Variants in DPP6 observed in about 807,000 individuals in gnomAD.
DPP6 encodes the protein dipeptidyl peptidase like 6.
In DPP6, 69 loss-of-function variants were observed where a neutral mutation model predicts 122.6. The observed-to-expected ratio is 0.56, with a 90% CI of 0.46 to 0.69. DPP6 has a LOEUF of 0.69. Ranked by LOEUF, DPP6 falls within the 30% of genes least tolerant of loss-of-function variation. The pLI is 0.00. For synonymous variants in DPP6, 418 were observed against 433.1 expected, an observed-to-expected ratio of 0.97 and a Z score of 0.43; for missense variants, 928 against 1,116.9, an observed-to-expected ratio of 0.83 and a Z score of 2.41.
upstream of DPP6, among the ~76,000 whole-genome samples, chr7:154,049,137 C>T (rs1226717598): frequency 6.9e-6 from 1 of 144,778 alleles, no homozygotes; most frequent in African/African-American, 2.9e-5. Context: ...TCACACTTAC[C>T]CAATAAGTAG....
intron 1 of DPP6, among the ~76,000 whole-genome samples, chr7:154,136,458 A>G (rs147845392): frequency 2.1e-3 from 321 of 152,336 alleles, no homozygotes; most frequent in African/African-American, 7.4e-3. Flanking sequence ...GGGGAACCAC[A>G]GAATCTTTAT....
At chr7:154,252,235 T>TGTGTGCGC (rs60245069) in intron 1 of DPP6, among the ~76,000 whole-genome samples, 21,062 of 149,306 alleles carry the variant, frequency 0.14, 1,827 homozygotes, top group Middle Eastern at 0.2. Flanking sequence ...TGTGTGTGTG[T>TGTGTGCGC]GCGCGCATGC....
At chr7:154,296,162 T>C (rs916094490) in intron 1 of DPP6, among the ~76,000 whole-genome samples, 1 of 152,018 alleles carries the variant, frequency 6.6e-6, no homozygotes, top group Non-Finnish European at 1.5e-5. Context: ...GCCAGGATGG[T>C]CTCAATCTCG....
At chr7:154,300,266 T>G (rs2150978755) in intron 1 of DPP6, among the ~76,000 whole-genome samples, 1 of 152,348 alleles carries the variant, frequency 6.6e-6, no homozygotes, top group South Asian at 2.1e-4. Flanking sequence ...TGGCTGAGCA[T>G]CAGGCTCTGG....
At chr7:154,253,355 G>A (rs548532258) in intron 1 of DPP6, among the ~76,000 whole-genome samples, 2 of 152,202 alleles carry the variant, frequency 1.3e-5, no homozygotes, top group Admixed American at 1.3e-4. Context: ...ACAGGTGTGG[G>A]GGGTGAGGGG....
intron 3 of DPP6, among the ~76,000 whole-genome samples, chr7:154,477,103 A>G (rs147855992): frequency 0.026 from 3,945 of 152,188 alleles, 72 homozygotes; most frequent in Middle Eastern, 0.041. Context: ...ACTCTTTGGT[A>G]TTTGTCAAAA....
At chr7:154,484,445 G>C (rs563889218) in intron 3 of DPP6, among the ~76,000 whole-genome samples, 6 of 152,134 alleles carry the variant, frequency 3.9e-5, no homozygotes, top group African/African-American at 1.4e-4. Context: ...TGAGCAAATC[G>C]AAGCCTCCTG....
intron 1 of DPP6, among the ~76,000 whole-genome samples, chr7:154,229,440 T>C (rs527498141): frequency 6.6e-6 from 1 of 152,318 alleles, no homozygotes; most frequent in East Asian, 1.9e-4. Context: ...CTTTAATTTT[T>C]CCACCAGAAG....
intron 3 of DPP6, among the ~76,000 whole-genome samples, chr7:154,493,067 A>G (rs1824425223): frequency 6.6e-6 from 1 of 152,174 alleles, no homozygotes; most frequent in African/African-American, 2.4e-5. Flanking sequence ...AACTAGGACT[A>G]ATGAAAGCAG....
intron 1 of DPP6, among the ~76,000 whole-genome samples, chr7:154,005,058 T>G (rs2907713): frequency 1.3e-5 from 2 of 152,132 alleles, no homozygotes; most frequent in African/African-American, 2.4e-5. Context: ...AAAAAGCATA[T>G]GACTTTGTTT....
chr7:154,323,635 T>C (rs1395980061), intron 1 of DPP6, among the ~76,000 whole-genome samples: 1 of 152,240 alleles, frequency 6.6e-6, no homozygotes, highest in African/African-American at 2.4e-5. Flanking sequence ...AGAGGAGAAC[T>C]CCAGGAATAA....
chr7:154,217,664 G>A (rs377203740), intron 1 of DPP6, among the ~76,000 whole-genome samples: 3 of 152,226 alleles, frequency 2.0e-5, no homozygotes, highest in African/African-American at 7.2e-5. Flanking sequence ...CAAATAAGGT[G>A]TCTATTAAGA....
chr7:154,794,276 AGTCGTCTCAGCC>A lies in DPP6; in HGVS notation c.1260+75_1260+86del, dbSNP rs1228142501. ...TCAGACGCGCCCGAGGTGGCGCCAG[AGTCGTCTCAGCC>A]CTCGGGCCTGGGACTTGGGGACCGG... is the stretch of plus-strand genomic sequence containing the variant. On this transcript the variant is annotated intron_variant, in intron 11 of 25. Coordinates refer to ENST00000377770, the MANE Select transcript of DPP6 (RefSeq NM_130797.4). 2.0e-6 allele frequency: 3 copies of A among 1,479,054 alleles called. No homozygotes were observed. In the African/African-American group the frequency reaches 4.2e-5, roughly 21 times the overall value. The allele number at this position is 1,479,054 out of a possible 1,614,324, so 91.6% of individuals were successfully genotyped here.
At chr7:153,918,420 T>A (rs949252256) in intron 1 of DPP6, among the ~76,000 whole-genome samples, 1 of 142,520 alleles carries the variant, frequency 7.0e-6, no homozygotes, top group Non-Finnish European at 1.5e-5. Context: ...AAAGAAGAGT[T>A]AATTAAAACA....
At chr7:154,213,311 T>C (rs138658789) in intron 1 of DPP6, among the ~76,000 whole-genome samples, 5 of 152,332 alleles carry the variant, frequency 3.3e-5, no homozygotes, top group East Asian at 3.9e-4. Context: ...GTATTTGACA[T>C]ATATGTATAA....
chr7:154,760,711 C>T lies in DPP6; in HGVS notation c.884-8706C>T, dbSNP rs1795485649. 2.0e-5 allele frequency among the ~76,000 whole-genome samples: 3 copies of T among 152,100 alleles called. No homozygotes were observed. The highest frequency in any genetic ancestry group is 2.0e-4 in the Admixed American group (3 of 15,264). On this transcript the variant is annotated intron_variant, in intron 8 of 25. Coordinates refer to ENST00000377770, the MANE Select transcript of DPP6 (RefSeq NM_130797.4). This position sits in a 1 kb window ranked among gnomAD's most constrained non-coding sequence, Gnocchi z 4.5. ...CGTGAGGCAGGTGAGCAGAAGACAT[C>T]AGGCCCAGAAGTTCTGGAAGCTCCC...
At chr7:153,881,755 C>T in the DPP6 span, among the ~76,000 whole-genome samples, 1 of 152,134 alleles carries the variant, frequency 6.6e-6, no homozygotes, top group Non-Finnish European at 1.5e-5. Context: ...TACTGAACTA[C>T]TCAGGCCATC....
rs572325464 is a variant in DPP6 at position 154,034,720 on chromosome 7, G to A, written c.51+146986G>A. 6.6e-5 allele frequency among the ~76,000 whole-genome samples: 10 copies of A among 151,464 alleles called. 1 individual carries two copies. The South Asian group carries it at 1.9e-3, about 29-fold the overall frequency. On this transcript the variant is annotated intron_variant, in intron 1 of 25. Transcript: ENST00000404039. ...TCAAGTTGTTCTTGATGATATCTGG[G>A]CACTGTGCAAGACTTCCTTCACTGC...
intron 1 of DPP6, among the ~76,000 whole-genome samples, chr7:154,070,642 A>C (rs1398831401): frequency 6.6e-6 from 1 of 152,220 alleles, no homozygotes; most frequent in Non-Finnish European, 1.5e-5. Flanking sequence ...AAAATAGCTA[A>C]GTCAGTTTCC....
Sources: allele counts gnomAD v4.1 joint callset (sites outside exome capture counted in the v4.1 genomes callset), GRCh38; gene constraint gnomAD v4.1.1; non-coding constraint Gnocchi (gnomAD v3.1); transcripts MANE v1.5; gene names NCBI Gene and HGNC (gene_info 2026-07-23, HGNC 2026-07-21).